CMSS1: variants seen among roughly 807,000 people sequenced by gnomAD.
The protein encoded by CMSS1 is cms1 ribosomal small subunit homolog.
CMSS1 carries 33 observed loss-of-function variants against 43.5 expected under a neutral mutation model. The ratio of observed to expected loss-of-function variants is 0.76; its 90% CI spans 0.57 to 1.01. The LOEUF (loss-of-function observed/expected upper bound fraction) is 1.01. Among genes scored for constraint, CMSS1 ranks in the 50% least tolerant of loss-of-function variants. CMSS1 has a pLI of 0.00. For synonymous variants in CMSS1, 115 were observed against 117.2 expected, an observed-to-expected ratio of 0.98 and a Z score of 0.12; for missense variants, 313 against 326.4, an observed-to-expected ratio of 0.96 and a Z score of 0.32.
intron 1 of CMSS1, among the ~76,000 whole-genome samples, chr3:99,971,032 T>C (rs1239164008): frequency 6.6e-6 from 1 of 152,136 alleles, no homozygotes; most frequent in Non-Finnish European, 1.5e-5. Context: ...TGGCAGGTTT[T>C]GGTGTCTCTT....
intron 2 of CMSS1, among the ~76,000 whole-genome samples, chr3:100,159,376 T>C (rs565152421): frequency 6.2e-4 from 94 of 152,382 alleles, no homozygotes; most frequent in African/African-American, 1.6e-3. Flanking sequence ...TGTAGTATTA[T>C]ATCTTTCTCT....
intron 1 of CMSS1, among the ~76,000 whole-genome samples, chr3:99,988,339 T>TA (rs762174034): frequency 0.23 from 6,500 of 28,276 alleles, 967 homozygotes; most frequent in African/African-American, 0.42. Context: ...CTACTAAAAA[T>TA]CCAAAAAAAA....
At chr3:99,933,367 C>T (rs1407920673) in intron 1 of CMSS1, among the ~76,000 whole-genome samples, 3 of 152,010 alleles carry the variant, frequency 2.0e-5, no homozygotes, top group Admixed American at 1.3e-4. Context: ...TTGAGAAAAG[C>T]AAAGGCATAG....
chr3:99,938,050 AGT>A (rs71625545), intron 1 of CMSS1, among the ~76,000 whole-genome samples: 2,947 of 148,926 alleles, frequency 0.02, 84 homozygotes, highest in African/African-American at 0.067. Flanking sequence ...AGGCTCAGGA[AGT>A]GTGTGTGTGT....
chr3:99,893,741 G>A (rs1014537846), intron 1 of CMSS1, among the ~76,000 whole-genome samples: 1 of 152,112 alleles, frequency 6.6e-6, no homozygotes, highest in Non-Finnish European at 1.5e-5. Flanking sequence ...ATTTTTCTGT[G>A]ATGAGCAGAA....
chr3:99,826,819 G>A (rs1292983326), intron 1 of CMSS1, among the ~76,000 whole-genome samples: 1 of 152,102 alleles, frequency 6.6e-6, no homozygotes, highest in Non-Finnish European at 1.5e-5. Context: ...TGAAGGACCA[G>A]GAAAAGACTT....
At chr3:99,849,324 A>C (rs1177782109) in intron 1 of CMSS1, 1 of 1,614,124 alleles carries the variant, frequency 6.2e-7, no homozygotes, top group East Asian at 2.2e-5. Flanking sequence ...TTCCATTGAG[A>C]CTAGGCCTGA....
In CMSS1 at chr3:100,127,027, G is replaced by A. The variant is rs191707748; in HGVS notation, c.65-19946G>A. 9.5e-4 allele frequency among the ~76,000 whole-genome samples: 145 copies of A among 152,142 alleles called. 1 individual carries two copies. The highest frequency in any genetic ancestry group is 3.3e-3 in the African/African-American group (136 of 41,502). On this transcript the variant is annotated intron_variant, in intron 1 of 9. Coordinates refer to ENST00000421999, the MANE Select transcript of CMSS1 (RefSeq NM_032359.4). Reference sequence around the variant, plus strand: ...AAAAAAAAAGAAAGTTGGGCAGAGAGAGAACTAAGGAAAGAAAGCAGACAG... The same window carrying A: ...AAAAAAAAAGAAAGTTGGGCAGAGAAAGAACTAAGGAAAGAAAGCAGACAG...
At chr3:100,111,418 T>G (rs1457285864) in intron 1 of CMSS1, among the ~76,000 whole-genome samples, 3 of 152,208 alleles carry the variant, frequency 2.0e-5, no homozygotes, top group Non-Finnish European at 2.9e-5. Context: ...AAAACTTAGT[T>G]TATCTATCTG....
intron 1 of CMSS1, chr3:99,848,708 A>G (rs1017289019): frequency 2.5e-6 from 4 of 1,614,022 alleles, no homozygotes. Flanking sequence ...AGAGAACCAC[A>G]AGACTCTGGG....
At chr3:100,051,790 A>G (rs2065378108) in intron 1 of CMSS1, among the ~76,000 whole-genome samples, 1 of 150,936 alleles carries the variant, frequency 6.6e-6, no homozygotes, top group South Asian at 2.1e-4. Context: ...AGTCTTTGCT[A>G]TTGTGAATAG....
chr3:100,118,646 C>T (rs1278797202), intron 1 of CMSS1, among the ~76,000 whole-genome samples: 1 of 152,124 alleles, frequency 6.6e-6, no homozygotes, highest in Non-Finnish European at 1.5e-5. Flanking sequence ...ATTCCATCTC[C>T]GTTTAAGCTT....
chr3:100,068,326 C>T (rs2065701035), intron 1 of CMSS1, among the ~76,000 whole-genome samples: 1 of 150,428 alleles, frequency 6.6e-6, no homozygotes, highest in South Asian at 2.1e-4. Context: ...CATAGTGAGA[C>T]AAACATGAAT....
intron 1 of CMSS1, among the ~76,000 whole-genome samples, chr3:99,893,851 C>G (rs1706167814): frequency 6.6e-6 from 1 of 152,156 alleles, no homozygotes; most frequent in Non-Finnish European, 1.5e-5. Context: ...TCCCTCCACC[C>G]CAACCCAAGA....
At chr3:100,160,611 G>T (rs545299922) in intron 3 of CMSS1, 110 bp downstream of exon 3, 512 of 603,118 alleles carry the variant, frequency 8.5e-4, no homozygotes, top group Non-Finnish European at 1.3e-3. Context: ...AAGAGATGCA[G>T]ACATTGTAAG....
At chr3:99,930,479 T>C (rs1268858720) in intron 1 of CMSS1, among the ~76,000 whole-genome samples, 4 of 152,182 alleles carry the variant, frequency 2.6e-5, no homozygotes, top group African/African-American at 4.8e-5. Flanking sequence ...CATCTGGCAT[T>C]ATTGCTACTG....
At chr3:100,130,714 G>T (rs2066699728) in intron 1 of CMSS1, among the ~76,000 whole-genome samples, 1 of 152,126 alleles carries the variant, frequency 6.6e-6, no homozygotes, top group African/African-American at 2.4e-5. Context: ...ATTCTCAATG[G>T]CTTACATATT....
intron 3 of CMSS1, among the ~76,000 whole-genome samples, chr3:100,162,056 G>T (rs1302318716): frequency 6.6e-6 from 1 of 152,154 alleles, no homozygotes; most frequent in Non-Finnish European, 1.5e-5. Context: ...CAAAAATTTA[G>T]TTATCTTGGA....
intron 1 of CMSS1, among the ~76,000 whole-genome samples, chr3:100,075,107 T>C (rs1344754644): frequency 2.6e-5 from 4 of 152,216 alleles, no homozygotes; most frequent in African/African-American, 7.2e-5. Flanking sequence ...TCCCTTTGTT[T>C]TGGTTTATCC....
Sources: gnomAD v4.1 joint callset for allele counts (sites outside exome capture counted in the v4.1 genomes callset) on GRCh38, gnomAD v4.1.1 for gene constraint, MANE v1.5 for transcripts, NCBI Gene and HGNC (gene_info 2026-07-23, HGNC 2026-07-21) for gene names.